Variants in CHCHD3 observed in about 807,000 individuals in gnomAD.
CHCHD3 encodes MICOS complex subunit MIC19.
CHCHD3 carries 20 observed loss-of-function variants against 38.2 expected under a neutral mutation model. That is an observed-to-expected ratio of 0.52 (90% CI 0.37 to 0.76). The LOEUF (loss-of-function observed/expected upper bound fraction) is 0.76. CHCHD3 is among the 30% of genes least tolerant of loss of function. The pLI is 0.00. For synonymous variants in CHCHD3, 82 were observed against 100.0 expected (o/e 0.82, Z 1.07); for missense variants, 245 against 279.2 (o/e 0.88, Z 0.87).
chr7:132,911,421 A>C (rs1367794550), intron 4 of CHCHD3, among the ~76,000 whole-genome samples: 5 of 152,208 alleles, frequency 3.3e-5, no homozygotes, highest in Non-Finnish European at 7.3e-5. Flanking sequence ...AGGTTATCTT[A>C]CTGTTCCCAG....
At chr7:132,958,941 T>C (rs1325251055) in intron 4 of CHCHD3, among the ~76,000 whole-genome samples, 2 of 152,168 alleles carry the variant, frequency 1.3e-5, no homozygotes, top group Admixed American at 6.5e-5. Flanking sequence ...ACCCTTCTCA[T>C]CCAAATATTA....
chr7:133,066,330 C>T (rs1322737091), intron 2 of CHCHD3, among the ~76,000 whole-genome samples: 1 of 151,466 alleles, frequency 6.6e-6, no homozygotes, highest in Non-Finnish European at 1.5e-5. Context: ...TCTCGGCTTA[C>T]TGCAACTTCC....
intron 6 of CHCHD3, among the ~76,000 whole-genome samples, chr7:132,814,717 T>C (rs1488238756): frequency 6.6e-6 from 1 of 152,238 alleles, no homozygotes. Flanking sequence ...AATTACACAT[T>C]ACTAAATTAT....
intron 3 of CHCHD3, among the ~76,000 whole-genome samples, chr7:132,984,332 C>T (rs1338746013): frequency 3.3e-5 from 5 of 151,800 alleles, no homozygotes; most frequent in Non-Finnish European, 7.4e-5. Flanking sequence ...CCCGAGGTGC[C>T]GGGATGGCAG....
intron 2 of CHCHD3, among the ~76,000 whole-genome samples, chr7:133,065,538 G>A (rs1814644398): frequency 6.6e-6 from 1 of 151,994 alleles, no homozygotes; most frequent in Non-Finnish European, 1.5e-5. Flanking sequence ...GAGAAAGAAG[G>A]CTTTTTAATA....
chr7:132,794,186 C>T (rs1585519067), intron 7 of CHCHD3, among the ~76,000 whole-genome samples: 1 of 152,206 alleles, frequency 6.6e-6, no homozygotes, highest in African/African-American at 2.4e-5. Context: ...TTATCGCTTT[C>T]GCTCTCACTT....
At chr7:132,837,320 G>A (rs1339733083) in intron 6 of CHCHD3, among the ~76,000 whole-genome samples, 2 of 152,078 alleles carry the variant, frequency 1.3e-5, no homozygotes, top group Non-Finnish European at 2.9e-5. Flanking sequence ...TATATGTAGA[G>A]TAACTTAAAA....
chr7:132,862,857 A>G (rs1170108847), intron 5 of CHCHD3, among the ~76,000 whole-genome samples: 1 of 152,216 alleles, frequency 6.6e-6, no homozygotes, highest in Non-Finnish European at 1.5e-5. Context: ...TCATCTGTTC[A>G]AGTTTGCTCC....
At chr7:132,997,919 T>A (rs1464772204) in intron 3 of CHCHD3, among the ~76,000 whole-genome samples, 1 of 152,150 alleles carries the variant, frequency 6.6e-6, no homozygotes, top group Non-Finnish European at 1.5e-5. Flanking sequence ...TGGTATCAAC[T>A]CATATTCAAC....
chr7:132,814,703 A>G (rs1807154519), intron 6 of CHCHD3, among the ~76,000 whole-genome samples: 1 of 152,238 alleles, frequency 6.6e-6, no homozygotes, highest in African/African-American at 2.4e-5. Context: ...ACCATTCAGA[A>G]GTTAATTACA....
intron 1 of CHCHD3, among the ~76,000 whole-genome samples, chr7:133,071,493 G>A (rs1013710730): frequency 1.3e-5 from 2 of 152,140 alleles, no homozygotes; most frequent in Non-Finnish European, 2.9e-5. Flanking sequence ...TTTTAAGCAG[G>A]GGAATGGCAC....
chr7:133,050,130 T>C (rs1205584755), intron 2 of CHCHD3, among the ~76,000 whole-genome samples: 1 of 151,870 alleles, frequency 6.6e-6, no homozygotes, highest in Non-Finnish European at 1.5e-5. Flanking sequence ...GAGGATCACT[T>C]AAGGCCAGGA....
At chr7:132,988,509 ATTAT>A (rs1414576777) in intron 3 of CHCHD3, among the ~76,000 whole-genome samples, 2 of 152,220 alleles carry the variant, frequency 1.3e-5, no homozygotes, top group Admixed American at 6.5e-5. Context: ...TTATATAATG[ATTAT>A]TTAGCAATAT....
At chr7:133,031,642 T>C (rs933568464) in intron 2 of CHCHD3, among the ~76,000 whole-genome samples, 2 of 152,186 alleles carry the variant, frequency 1.3e-5, no homozygotes, top group African/African-American at 4.8e-5. Context: ...CTTTAATGTA[T>C]TTTTCTTTCT....
chr7:132,899,582 T>G (rs1411407450), intron 4 of CHCHD3, among the ~76,000 whole-genome samples: 1 of 152,248 alleles, frequency 6.6e-6, no homozygotes, highest in Admixed American at 6.5e-5. Flanking sequence ...TGTGTTTGTA[T>G]GTATCAGTTC....
chr7:132,943,153 C>G (rs981998184), intron 4 of CHCHD3, among the ~76,000 whole-genome samples: 2 of 152,074 alleles, frequency 1.3e-5, no homozygotes, highest in African/African-American at 4.8e-5. Flanking sequence ...TACATACATT[C>G]CAGATACTGC....
Position 132,796,705 on chromosome 7 carries a change from G to T in CHCHD3, c.525-128C>A, listed in dbSNP as rs550184812. On this transcript the variant is annotated intron_variant, in intron 6 of 7. Transcript: ENST00000262570. ...AATGTAGAAAAAGGTTTAAGAGAAA[G>T]AATTTTCCTTAAACTTCAAAGATAG... The T allele has an allele frequency of 5.2e-5, 42 of 805,366 alleles. No homozygotes were observed. The East Asian group carries it at 5.5e-4, about 11-fold the overall frequency. 49.9% of individuals were successfully genotyped at this position (805,366 alleles called of 1,614,324 possible). A position where few individuals can be genotyped will look rare whatever the true frequency, so the allele number is the denominator to read the frequency against.
chr7:132,922,858 C>T (rs756559972), intron 4 of CHCHD3, among the ~76,000 whole-genome samples: 2 of 152,182 alleles, frequency 1.3e-5, no homozygotes, highest in Non-Finnish European at 2.9e-5. Flanking sequence ...TTTTCTAAAT[C>T]ACAACCCTTG....
At chr7:132,911,538 T>A (rs1340764321) in intron 4 of CHCHD3, among the ~76,000 whole-genome samples, 1 of 152,236 alleles carries the variant, frequency 6.6e-6, no homozygotes, top group Admixed American at 6.5e-5. Flanking sequence ...ATAAAAGTCC[T>A]GTGAGAAAGC....
Sources: gnomAD v4.1 joint callset for allele counts (sites outside exome capture counted in the v4.1 genomes callset) on GRCh38, gnomAD v4.1.1 for gene constraint, MANE v1.5 for transcripts, NCBI Gene and HGNC (gene_info 2026-07-23, HGNC 2026-07-21) for gene names.